The following ZNF600 variants were observed in gnomAD, a reference collection of about 807,000 sequenced individuals.
ZNF600 encodes zinc finger protein KR-ZNF1.
ZNF600 carries 4 observed loss-of-function variants against 7.3 expected under a neutral mutation model. That is an observed-to-expected ratio of 0.55 (90% CI 0.27 to 1.25). The LOEUF (loss-of-function observed/expected upper bound fraction) is 1.25. Among genes scored for constraint, ZNF600 ranks in the 50% most tolerant of loss-of-function variants. The probability of loss-of-function intolerance (pLI) is 0.12; values close to 1 mark genes in which losing one functional copy is unlikely to be tolerated. For synonymous variants in ZNF600, 290 were observed against 308.9 expected (o/e 0.94, Z 0.64); for missense variants, 911 against 922.1 (o/e 0.99, Z 0.16).
chr19:52,800,557 T>C, the ZNF600 span: 3 of 1,612,120 alleles, frequency 1.9e-6, no homozygotes, highest in Non-Finnish European at 2.5e-6. Flanking sequence ...TGAATTATAC[T>C]ATGTTTTGCC....
At chr19:52,827,155 A>C in the ZNF600 span, among the ~76,000 whole-genome samples, 1 of 151,352 alleles carries the variant, frequency 6.6e-6, no homozygotes, top group Non-Finnish European at 1.5e-5. Context: ...TAATGTGTGG[A>C]TCACTTGAGA....
exon 4 of ZNF600, chr19:52,766,046 A>T (rs765405036): frequency 6.2e-7 from 1 of 1,613,780 alleles, no homozygotes; most frequent in Non-Finnish European, 8.5e-7. Context: ...TACGATGGTG[A>T]ACAAGGGATG....
chr19:52,800,812 G>A, the ZNF600 span: 5 of 1,614,020 alleles, frequency 3.1e-6, no homozygotes, highest in East Asian at 1.1e-4. Flanking sequence ...ATTATAGTAT[G>A]TTTTGCTAGG....
the ZNF600 span, chr19:52,809,927 G>A: frequency 6.6e-5 from 57 of 858,166 alleles, 1 homozygote; most frequent in South Asian, 7.8e-4. Flanking sequence ...CCGGTGGGGA[G>A]GCCGGGGAGG....
At chr19:52,811,742 C>T in the ZNF600 span, among the ~76,000 whole-genome samples, 1 of 149,634 alleles carries the variant, frequency 6.7e-6, no homozygotes, top group Admixed American at 6.6e-5. Context: ...CCGGCAGCCG[C>T]CCCGTCCGGG....
exon 4 of ZNF600, chr19:52,766,560 G>A: frequency 6.2e-7 from 1 of 1,614,090 alleles, no homozygotes. Context: ...TACCAGGTGT[G>A]AATTCCACGC....
At chr19:52,816,062 A>T in the ZNF600 span, among the ~76,000 whole-genome samples, 1 of 147,452 alleles carries the variant, frequency 6.8e-6, no homozygotes, top group Non-Finnish European at 1.5e-5. Flanking sequence ...GCTAACACAG[A>T]ACTGACAATA....
chr19:52,816,702 C>G, the ZNF600 span, among the ~76,000 whole-genome samples: 1 of 150,898 alleles, frequency 6.6e-6, no homozygotes, highest in Admixed American at 6.6e-5. Context: ...GATGGTGGCG[C>G]GCACCTATAA....
chr19:52,794,591 C>T, the ZNF600 span, among the ~76,000 whole-genome samples: 5 of 152,154 alleles, frequency 3.3e-5, no homozygotes, highest in Non-Finnish European at 7.3e-5. Flanking sequence ...CATGGCGGCT[C>T]ACCCTGTAAT....
chr19:52,811,949 C>T, the ZNF600 span, among the ~76,000 whole-genome samples: 1 of 64,602 alleles, frequency 1.5e-5, no homozygotes, highest in Admixed American at 1.2e-4. Flanking sequence ...CGCCTCTGCC[C>T]GGCCGCCCCT....
At chr19:52,770,532 AT>A (rs1359632260) in intron 3 of ZNF600, among the ~76,000 whole-genome samples, 1 of 152,208 alleles carries the variant, frequency 6.6e-6, no homozygotes, top group Admixed American at 6.6e-5. Flanking sequence ...CAATACAGCA[AT>A]TTTACATTTG....
At chr19:52,771,519 G>T (rs1264948769) in intron 3 of ZNF600, among the ~76,000 whole-genome samples, 1 of 151,950 alleles carries the variant, frequency 6.6e-6, no homozygotes, top group African/African-American at 2.4e-5. Context: ...TGTCACCCGG[G>T]CTGGAGTGCA....
the ZNF600 span, among the ~76,000 whole-genome samples, chr19:52,818,555 A>C: frequency 1.3e-5 from 2 of 152,146 alleles, no homozygotes; most frequent in East Asian, 3.9e-4. Context: ...TCTACTAAAA[A>C]TACAAAAAGT....
chr19:52,810,354 C>G, the ZNF600 span: 1 of 1,604,542 alleles, frequency 6.2e-7, no homozygotes, highest in Non-Finnish European at 8.5e-7. Context: ...AGCAGAAGAG[C>G]TGGAAGCTCA....
At chr19:52,791,792 C>T (rs1194207583), upstream of ZNF600, among the ~76,000 whole-genome samples, 2 of 152,190 alleles carry the variant, frequency 1.3e-5, no homozygotes, top group South Asian at 4.1e-4. Flanking sequence ...CCTGGAGGAG[C>T]CTCCCCCACG....
rs375598525 is a variant in ZNF600, at chr19:52,771,266, A to T, written c.190+3309T>A. 9.9e-5 allele frequency among the ~76,000 whole-genome samples: 15 copies of T among 152,268 alleles called. No individual in the cohort carries two copies. The East Asian group carries it at 1.3e-3, about 14-fold the overall frequency. ...CTCTCACCAGGAGCCAATCTAGCTG[A>T]CATCTTGTTCTTGGATTTCCCATTT... On this transcript the variant is annotated intron_variant, in intron 3 of 3. Transcript: ENST00000648973.
the ZNF600 span, chr19:52,807,902 A>AG: frequency 6.4e-7 from 1 of 1,551,860 alleles, no homozygotes; most frequent in East Asian, 2.2e-5. Context: ...TCATTTCAAA[A>AG]TCAATACGGC....
intron 1 of ZNF600, among the ~76,000 whole-genome samples, chr19:52,784,857 G>A (rs2062751081): frequency 6.6e-6 from 1 of 152,176 alleles, no homozygotes; most frequent in Non-Finnish European, 1.5e-5. Context: ...GCCTAGAGAA[G>A]CTGAAACTGC....
intron 3 of ZNF600, among the ~76,000 whole-genome samples, chr19:52,769,461 G>T (rs776491123): frequency 6.6e-6 from 1 of 152,152 alleles, no homozygotes; most frequent in Non-Finnish European, 1.5e-5. Flanking sequence ...GCCAGGAAGG[G>T]AAGGGCCCCC....
Sources: gnomAD v4.1 joint callset for allele counts (sites outside exome capture counted in the v4.1 genomes callset) on GRCh38, gnomAD v4.1.1 for gene constraint, MANE v1.5 for transcripts, NCBI Gene and HGNC (gene_info 2026-07-23, HGNC 2026-07-21) for gene names.